Variants in NBPF9 observed in about 807,000 individuals in gnomAD.
NBPF9 encodes the protein NBPF family member NBPF9.
NBPF9 carries 91 observed loss-of-function variants against 97.8 expected under a neutral mutation model. That is an observed-to-expected ratio of 0.93 (90% CI 0.79 to 1.11). The LOEUF is 1.11. NBPF9 is among the 50% of genes least tolerant of loss of function. The probability of loss-of-function intolerance (pLI) is 0.00; values close to 1 mark genes in which losing one functional copy is unlikely to be tolerated. For missense variants in NBPF9, 992 were observed against 939.5 expected (o/e 1.06, Z -0.73); for synonymous variants, 334 against 359.5 (o/e 0.93, Z 0.80).
intron 17 of NBPF9, chr1:149,066,022 T>C: frequency 2.1e-6 from 1 of 479,892 alleles, no homozygotes; most frequent in Non-Finnish European, 3.7e-6. Flanking sequence ...TGGGTTGAAT[T>C]TTACATGCAG....
rs1462516792 is a variant in NBPF9 at position 149,059,701 on chromosome 1, T to C, written c.2584A>G (p.Arg862Gly). The C allele has an allele frequency of 1.6e-5, 9 of 566,208 alleles. 2 individuals carry two copies. The African/African-American group carries it at 1.7e-4, about 11-fold the overall frequency. 35.1% of individuals were successfully genotyped at this position (566,208 alleles called of 1,614,324 possible). A position where few individuals can be genotyped will look rare whatever the true frequency, so the allele number is the denominator to read the frequency against. ...GGATCCAGAATTGCTGAAAGTCACC[T>C]GGGGCATGGTGGGTTTTGATTTTCT... Residue 862 changes from arginine to glycine, a missense_variant and splice_region_variant, in exon 25 of 30, where the codon AGG (arginine) becomes GGG (glycine). Around this residue, in one of 11 missense-constraint regions of NBPF9, gnomAD observed 397 missense variants for 213.6 expected, o/e 1.86. Coordinates refer to ENST00000584027, the Ensembl canonical transcript of NBPF9.
At chr1:149,095,623 C>CAAAAAAAAAA (rs373341524) in intron 4 of NBPF9, among the ~76,000 whole-genome samples, 1 of 101,236 alleles carries the variant, frequency 9.9e-6, no homozygotes, top group Admixed American at 1.0e-4. Flanking sequence ...CAACACAAAG[C>CAAAAAAAAAA]AAAAAAAAAA....
In NBPF9 at chr1:149,070,986, G is replaced by A. The variant is rs1235696286; in HGVS notation, c.1533C>T (p.Leu511=). The change falls in exon 16 of 30, where the codon CTC becomes CTT. Residue 511 remains leucine (L), a synonymous_variant. Coordinates refer to ENST00000584027, the Ensembl canonical transcript of NBPF9. ...GTTCAACATGAGAGGATGAGCCAATGAGAGTTGAGTCGACTTTGTCTTCCT... is the reference window on the plus strand; with the variant it reads ...GTTCAACATGAGAGGATGAGCCAATAAGAGTTGAGTCGACTTTGTCTTCCT... The A allele has an allele frequency of 7.4e-5, 119 of 1,612,532 alleles. No homozygotes were observed. In the African/African-American group the frequency reaches 1.3e-3, roughly 18 times the overall value.
rs1452697926 is a variant in NBPF9, at chr1:149,057,752, C to CACAG, written c.2811-246_2811-245insCTGT. Among the ~76,000 whole-genome samples, 142 of 64,142 alleles carry CACAG rather than the reference C, an allele frequency of 2.2e-3. 1 individual carries two copies. Among genetic ancestry groups the CACAG allele is most frequent in the African/African-American group, 8.7e-3 (129 of 14,760 alleles). The allele number at this position is 64,142 out of a possible 152,430, so 42.1% of individuals were successfully genotyped here. On this transcript the variant is annotated intron_variant, in intron 27 of 29. Transcript: ENST00000584027. ...ACACACACACACACACACACACACACAGAGAGAGAGAGAGAGAGAGAGAAC... is the reference window on the plus strand; with the variant it reads ...ACACACACACACACACACACACACACACAGAGAGAGAGAGAGAGAGAGAGAGAAC...
At chr1:149,079,896 C>T (rs1270399872) in intron 8 of NBPF9, among the ~76,000 whole-genome samples, 157 bp downstream of exon 8, 6 of 152,298 alleles carry the variant, frequency 3.9e-5, no homozygotes, top group African/African-American at 1.4e-4. Flanking sequence ...TTATTATTAT[C>T]CTTGTTCTCT....
chr1:149,063,739 A>G (rs1291193634), exon 20 of NBPF9: 6 of 600,560 alleles, frequency 1.0e-5, no homozygotes, highest in Non-Finnish European at 1.5e-5. Context: ...AAGGAGTTGA[A>G]TAACATCTAT....
intron 18 of NBPF9, chr1:149,064,925 C>G (rs2078934695): frequency 3.7e-6 from 2 of 533,566 alleles, no homozygotes; most frequent in Non-Finnish European, 6.6e-6. Flanking sequence ...TAACTTGGTT[C>G]TACACAGTAG....
intron 5 of NBPF9, among the ~76,000 whole-genome samples, chr1:149,088,113 G>A (rs1553659162): frequency 6.6e-6 from 1 of 152,230 alleles, no homozygotes; most frequent in African/African-American, 2.4e-5. Context: ...TTACAGGTGT[G>A]AGCCACGGTG....
At chr1:149,071,292 T>C (rs1336938548) in intron 15 of NBPF9, among the ~76,000 whole-genome samples, 153 bp from the exon 16 acceptor site, 1 of 151,988 alleles carries the variant, frequency 6.6e-6, no homozygotes, top group Non-Finnish European at 1.5e-5. Context: ...GTAATCCTCT[T>C]CTCTCTGCAA....
At chr1:149,072,957 T>A in intron 13 of NBPF9, 25 bp from the exon 14 acceptor site, 3 of 1,603,310 alleles carry the variant, frequency 1.9e-6, no homozygotes, top group Non-Finnish European at 2.6e-6. Context: ...TAGAGAAAAA[T>A]TAAGAGTGGA....
At chr1:149,084,362 C>T (rs1200692163) in intron 5 of NBPF9, among the ~76,000 whole-genome samples, 1 of 146,546 alleles carries the variant, frequency 6.8e-6, no homozygotes, top group Non-Finnish European at 1.5e-5. Context: ...CGTGTATATA[C>T]ATACGTGTGT....
chr1:149,056,162 G>A (rs1252525235), intron 29 of NBPF9, among the ~76,000 whole-genome samples: 4 of 151,586 alleles, frequency 2.6e-5, no homozygotes, highest in Non-Finnish European at 4.4e-5. Flanking sequence ...GTGACATACT[G>A]GTAAGGGAGT....
intron 14 of NBPF9, 124 bp from the exon 15 acceptor site, chr1:149,071,800 T>A (rs1181994787): frequency 4.6e-6 from 3 of 654,204 alleles, no homozygotes; most frequent in African/African-American, 3.8e-5. Flanking sequence ...AAAACTCTCA[T>A]GTTTTATCTT....
In NBPF9 at chr1:149,058,289, C is replaced by A. The variant is rs1293302493; in HGVS notation, c.2759-74G>T. 4.4e-4 allele frequency: 155 copies of A among 354,496 alleles called. 2 individuals carry two copies. The highest frequency in any genetic ancestry group is 6.4e-4 in the Non-Finnish European group (136 of 211,630). The allele number at this position is 354,496 out of a possible 1,614,324, so 22.0% of individuals were successfully genotyped here. On this transcript the variant is annotated intron_variant, in intron 26 of 29. Transcript: ENST00000584027. ...ACCCATAACAGTCCACTGTCTAATC[C>A]CCACACAGGGATCTCAGGCTCCTCA...
intron 12 of NBPF9, among the ~76,000 whole-genome samples, chr1:149,075,193 G>C (rs1482097313): frequency 6.6e-6 from 1 of 151,790 alleles, no homozygotes; most frequent in Non-Finnish European, 1.5e-5. Flanking sequence ...CCTCAGAGCA[G>C]GTACTGGCTA....
At chr1:149,079,356 G>C in intron 8 of NBPF9, 135 bp from the exon 9 acceptor site, 1 of 913,044 alleles carries the variant, frequency 1.1e-6, no homozygotes, top group Non-Finnish European at 1.8e-6. Flanking sequence ...TGAAAGGAAT[G>C]TCTGTGGCCA....
At chr1:149,064,901 C>G in intron 18 of NBPF9, 1 of 527,232 alleles carries the variant, frequency 1.9e-6, no homozygotes, top group Admixed American at 3.3e-5. Flanking sequence ...TGAACCAGCT[C>G]TTGAGTCAAA....
At chr1:149,081,460 G>T (rs1332882513) in intron 7 of NBPF9, among the ~76,000 whole-genome samples, 1 of 150,354 alleles carries the variant, frequency 6.7e-6, no homozygotes, top group Non-Finnish European at 1.5e-5. Flanking sequence ...GGTAGCACAG[G>T]TTCTATTAGG....
At chr1:149,082,161 G>A (rs782707103) in exon 7 of NBPF9, 5 of 1,612,090 alleles carry the variant, frequency 3.1e-6, no homozygotes, top group Non-Finnish European at 4.2e-6. Context: ...TGGCAGAAGA[G>A]GTGGGGCCAG....
Sources: allele counts gnomAD v4.1 joint callset (sites outside exome capture counted in the v4.1 genomes callset), GRCh38; gene constraint gnomAD v4.1.1; regional missense constraint gnomAD v4.1.1; transcripts MANE v1.5; gene names NCBI Gene and HGNC (gene_info 2026-07-23, HGNC 2026-07-21).